NHS: variants seen among roughly 807,000 people sequenced by gnomAD.
The protein encoded by NHS is NHS actin remodeling regulator.
NHS carries 5 observed loss-of-function variants against 72.5 expected under a neutral mutation model. That is an observed-to-expected ratio of 0.07 (90% confidence interval 0.04 to 0.14). The LOEUF (loss-of-function observed/expected upper bound fraction) is 0.14. Ranked by LOEUF, NHS falls within the 10% of genes least tolerant of loss-of-function variation. The probability of loss-of-function intolerance (pLI) is 1.00; values close to 1 mark genes in which losing one functional copy is unlikely to be tolerated. For synonymous variants in NHS, 464 were observed against 547.7 expected, an observed-to-expected ratio of 0.85 and a Z score of 2.13; for missense variants, 1,072 against 1,355.7, an observed-to-expected ratio of 0.79 and a Z score of 3.29.
chrX:17,597,426 TTC>T (rs201895500), intron 1 of NHS, among the ~76,000 whole-genome samples: 2 of 106,458 alleles, frequency 1.9e-5, no homozygotes, highest in African/African-American at 7.1e-5. Context: ...CGCCTGGCTA[TTC>T]TCTTTTTTTT....
chrX:17,410,480 G>A (rs1296248042), intron 1 of NHS, among the ~76,000 whole-genome samples: 2 of 107,983 alleles, frequency 1.9e-5, no homozygotes, highest in Non-Finnish European at 3.8e-5. Flanking sequence ...AGCATGGAAA[G>A]GAAACCAGAT....
chrX:17,603,074 A>G (rs1342496666), intron 1 of NHS, among the ~76,000 whole-genome samples: 1 of 110,384 alleles, frequency 9.1e-6, no homozygotes, highest in Non-Finnish European at 1.9e-5. Flanking sequence ...TCCGACTCCC[A>G]GTCTCAAGTG....
At chrX:17,687,538 C>T (rs1790899172) in intron 1 of NHS, 1 of 492,054 alleles carries the variant, frequency 2.0e-6, no homozygotes, top group Admixed American at 2.9e-5. Context: ...CCTCCCGTGC[C>T]TCGGCTCAGG....
intron 2 of NHS, among the ~76,000 whole-genome samples, chrX:17,689,618 T>C (rs1056520900): frequency 8.9e-5 from 10 of 111,812 alleles, no homozygotes; most frequent in African/African-American, 3.3e-4. Context: ...AAGGATGATA[T>C]CTTATTAATT....
intron 1 of NHS, among the ~76,000 whole-genome samples, chrX:17,672,924 T>C (rs2066056411): frequency 9.0e-6 from 1 of 111,273 alleles, no homozygotes; most frequent in African/African-American, 3.3e-5. Flanking sequence ...GATCAATGAA[T>C]GAATGAACCA....
chrX:17,647,229 G>A (rs2065910033), intron 1 of NHS, among the ~76,000 whole-genome samples: 1 of 112,492 alleles, frequency 8.9e-6, no homozygotes, highest in Non-Finnish European at 1.9e-5. Flanking sequence ...TTCTTCAAAA[G>A]AAACGGCTTT....
rs150656460 is a variant in NHS, at chrX:17,701,380, A to G, written c.852+8912A>G. On this transcript the variant is annotated intron_variant, in intron 3 of 8. Transcript: ENST00000676302. Reference sequence around the variant, plus strand: ...TACAAAATTGCACAATAAAAAACAAAGGGCTTATGGAGAAAATGGGAGTTA... The same window carrying G: ...TACAAAATTGCACAATAAAAAACAAGGGGCTTATGGAGAAAATGGGAGTTA... 2.7e-3 allele frequency among the ~76,000 whole-genome samples: 298 copies of G among 112,234 alleles called. 5 individuals carry two copies. The highest frequency in any genetic ancestry group is 9.4e-3 in the African/African-American group (290 of 30,867).
At chrX:17,712,714 A>G (rs1239147941) in intron 3 of NHS, among the ~76,000 whole-genome samples, 1 of 109,401 alleles carries the variant, frequency 9.1e-6, no homozygotes, top group African/African-American at 3.3e-5. Context: ...GCACCCTAAT[A>G]AGGGTGCATT....
intron 1 of NHS, among the ~76,000 whole-genome samples, chrX:17,538,452 G>C (rs750437837): frequency 9.0e-6 from 1 of 111,664 alleles, no homozygotes; most frequent in East Asian, 2.8e-4. Context: ...TTGGGGCTTC[G>C]TCCTGTTGGG....
chrX:17,513,444 AC>A (rs2065100535), intron 1 of NHS, among the ~76,000 whole-genome samples: 1 of 112,217 alleles, frequency 8.9e-6, no homozygotes, highest in South Asian at 3.7e-4. Context: ...CTTGATTTTG[AC>A]CTGGGTGTGC....
chrX:17,556,114 G>C (rs2065370846), intron 1 of NHS, among the ~76,000 whole-genome samples: 1 of 112,238 alleles, frequency 8.9e-6, no homozygotes, highest in Admixed American at 9.4e-5. Context: ...CCTATGGAGG[G>C]GAATCAAGTC....
intron 1 of NHS, among the ~76,000 whole-genome samples, chrX:17,673,622 T>C (rs2066062643): frequency 9.0e-6 from 1 of 111,286 alleles, no homozygotes; most frequent in African/African-American, 3.3e-5. Flanking sequence ...CACTAAGTCA[T>C]CTTCATCTTC....
intron 1 of NHS, among the ~76,000 whole-genome samples, chrX:17,611,715 T>C (rs994959635): frequency 1.8e-5 from 2 of 110,783 alleles, no homozygotes; most frequent in East Asian, 5.7e-4. Context: ...TTATCCACAC[T>C]CAGGTACTCA....
intron 1 of NHS, among the ~76,000 whole-genome samples, chrX:17,507,878 T>C (rs970716629): frequency 8.9e-6 from 1 of 111,767 alleles, no homozygotes; most frequent in Non-Finnish European, 1.9e-5. Flanking sequence ...TCACCTTCTT[T>C]CTCTGAAAGA....
chrX:17,522,561 G>A (rs2065155237), intron 1 of NHS, among the ~76,000 whole-genome samples: 1 of 97,206 alleles, frequency 1.0e-5, no homozygotes, highest in Non-Finnish European at 2.0e-5. Flanking sequence ...CCAGGTTTCA[G>A]GAGCTGCAGC....
chrX:17,448,899 G>A (rs937319041), intron 1 of NHS, among the ~76,000 whole-genome samples: 7 of 112,486 alleles, frequency 6.2e-5, no homozygotes, highest in African/African-American at 1.6e-4. Flanking sequence ...GTATTGTCTA[G>A]ATGATAATAA....
intron 1 of NHS, among the ~76,000 whole-genome samples, chrX:17,417,572 A>G (rs1180834252): frequency 8.9e-6 from 1 of 112,123 alleles, no homozygotes; most frequent in Non-Finnish European, 1.9e-5. Flanking sequence ...TCCACCTGCA[A>G]AAAGTAAAAC....
chrX:17,497,415 A>G (rs2065017967), intron 1 of NHS, among the ~76,000 whole-genome samples: 1 of 111,576 alleles, frequency 9.0e-6, no homozygotes, highest in East Asian at 2.8e-4. Context: ...TGTAGCTTTA[A>G]ATATTTATTA....
intron 1 of NHS, among the ~76,000 whole-genome samples, chrX:17,413,386 G>A (rs1231837583): frequency 1.8e-5 from 2 of 111,980 alleles, no homozygotes; most frequent in East Asian, 2.8e-4. Context: ...CTCTTTAGTG[G>A]TGATGATGCT....
Sources: gnomAD v4.1 joint callset for allele counts (sites outside exome capture counted in the v4.1 genomes callset) on GRCh38, gnomAD v4.1.1 for gene constraint, MANE v1.5 for transcripts, NCBI Gene and HGNC (gene_info 2026-07-23, HGNC 2026-07-21) for gene names.